The following TTC39B variants were observed in gnomAD, a reference collection of about 807,000 sequenced individuals.
TTC39B encodes the protein tetratricopeptide repeat protein 39B.
In TTC39B, 92 loss-of-function variants were observed where a neutral mutation model predicts 96.6. That is an observed-to-expected ratio of 0.95 (90% CI 0.80 to 1.13). The LOEUF (loss-of-function observed/expected upper bound fraction) is 1.13. Ranked by LOEUF, TTC39B falls within the 50% of genes most tolerant of loss-of-function variation. TTC39B has a pLI of 0.00. For missense variants in TTC39B, 955 were observed against 809.3 expected (o/e 1.18, Z -2.18); for synonymous variants, 367 against 299.4 (o/e 1.23, Z -2.33).
chr9:15,208,838 A>T (rs1820025244), intron 6 of TTC39B, among the ~76,000 whole-genome samples: 2 of 152,166 alleles, frequency 1.3e-5, no homozygotes. Context: ...ACATCATGCA[A>T]ATGTTCCCAA....
chr9:15,301,695 G>A lies in TTC39B; in HGVS notation c.240+5389C>T, dbSNP rs573337285. Among the ~76,000 whole-genome samples, 26 of 151,612 alleles carry A rather than the reference G, an allele frequency of 1.7e-4. No individual in the cohort carries two copies. In the East Asian group the frequency reaches 5.1e-3, roughly 30 times the overall value. On this transcript the variant is annotated intron_variant, in intron 1 of 19. Coordinates refer to ENST00000512701, the Ensembl canonical transcript of TTC39B. ...CACTTGAACCCGGGAGGCAGAGGTT[G>A]CCGTGAGCTGAGATCGTGCCACTGC...
intron 6 of TTC39B, among the ~76,000 whole-genome samples, chr9:15,207,506 C>T (rs1191669158): frequency 6.6e-6 from 1 of 152,070 alleles, no homozygotes; most frequent in East Asian, 1.9e-4. Flanking sequence ...GTGTGGGTTA[C>T]AGTGAAAGAG....
intron 1 of TTC39B, among the ~76,000 whole-genome samples, chr9:15,302,033 A>T (rs991010272): frequency 4.6e-5 from 7 of 152,172 alleles, no homozygotes; most frequent in Non-Finnish European, 1.5e-5. Context: ...TTTAAAAGTT[A>T]AGTGTAAGGT....
At chr9:15,289,015 G>A (rs1439127992) in intron 1 of TTC39B, among the ~76,000 whole-genome samples, 6 of 152,204 alleles carry the variant, frequency 3.9e-5, no homozygotes, top group Non-Finnish European at 8.8e-5. Context: ...TTAATTACAC[G>A]CTTTTAAAGT....
chr9:15,289,061 ACCCC>A, intron 1 of TTC39B, among the ~76,000 whole-genome samples: 1 of 152,184 alleles, frequency 6.6e-6, no homozygotes, highest in African/African-American at 2.4e-5. Context: ...TTCCTTATCT[ACCCC>A]AGGTAGCAAG....
chr9:15,213,031 G>C (rs887466521), intron 4 of TTC39B, among the ~76,000 whole-genome samples: 1 of 152,140 alleles, frequency 6.6e-6, no homozygotes, highest in Non-Finnish European at 1.5e-5. Context: ...CAGTTAACCT[G>C]ATCGATCACT....
chr9:15,276,874 A>G (rs1823564107), intron 1 of TTC39B, among the ~76,000 whole-genome samples: 1 of 152,170 alleles, frequency 6.6e-6, no homozygotes, highest in South Asian at 2.1e-4. Context: ...AATAAATACA[A>G]CTTCACAGGA....
chr9:15,171,901 CA>C (rs971907057), exon 20 of TTC39B: 112 of 669,634 alleles, frequency 1.7e-4, no homozygotes, highest in Middle Eastern at 2.6e-4. Flanking sequence ...AAATATTGAC[CA>C]AAAAAACTGT....
intron 2 of TTC39B, among the ~76,000 whole-genome samples, chr9:15,239,340 T>C (rs998778873): frequency 4.6e-5 from 7 of 152,212 alleles, no homozygotes; most frequent in Non-Finnish European, 2.9e-5. Context: ...CTTCAACCTC[T>C]ATGGAAAACA....
chr9:15,292,893 TAATC>T (rs1185644101), intron 1 of TTC39B, among the ~76,000 whole-genome samples: 1 of 152,214 alleles, frequency 6.6e-6, no homozygotes, highest in Non-Finnish European at 1.5e-5. Context: ...AAAGTTCCAT[TAATC>T]AAAGGTTTAT....
chr9:15,257,338 T>C (rs1822787048), intron 2 of TTC39B, among the ~76,000 whole-genome samples: 2 of 152,202 alleles, frequency 1.3e-5, no homozygotes, highest in African/African-American at 4.8e-5. Flanking sequence ...GGATAGGATA[T>C]GGATGAAATA....
Position 15,307,103 on chromosome 9 carries a change from G to C in TTC39B, c.221C>G (p.Ala74Gly), listed in dbSNP as rs1361697501. 1.2e-5 allele frequency: 20 copies of C among 1,610,400 alleles called. No homozygotes were observed. The highest frequency in any genetic ancestry group is 1.7e-5 in the Non-Finnish European group (20 of 1,178,442). ...TCGTACCTCGTCCGCTTCCAGCTCC[G>C]CTCGGCTGCCTAAGAGCGCCATATT... The change falls in exon 1 of 20, where the codon GCG becomes GGG. Residue 74 changes from alanine to glycine, a missense_variant. Transcript: ENST00000512701.
intron 2 of TTC39B, among the ~76,000 whole-genome samples, chr9:15,264,672 AG>A (rs1231848009): frequency 1.3e-5 from 2 of 148,982 alleles, no homozygotes; most frequent in East Asian, 1.9e-4. Flanking sequence ...AAAAAAAAAA[AG>A]GGAAACTATG....
intron 2 of TTC39B, among the ~76,000 whole-genome samples, chr9:15,260,117 A>T (rs570297941): frequency 1.5e-4 from 23 of 152,154 alleles, no homozygotes; most frequent in Non-Finnish European, 1.5e-5. Flanking sequence ...AGAGCTGTTT[A>T]AAAAAATTCT....
At chr9:15,165,505 G>C (rs549035496) in exon 20 of TTC39B, 1 of 152,314 alleles carries the variant, frequency 6.6e-6, no homozygotes, top group East Asian at 1.9e-4. Context: ...CATTGTATTA[G>C]TCCATTCTCA....
At chr9:15,251,064 C>T (rs1822514434) in intron 2 of TTC39B, among the ~76,000 whole-genome samples, 1 of 152,182 alleles carries the variant, frequency 6.6e-6, no homozygotes, top group East Asian at 1.9e-4. Context: ...GGTGTGGTGG[C>T]TCACGCCTGT....
At chr9:15,236,333 T>G (rs964054427) in intron 2 of TTC39B, among the ~76,000 whole-genome samples, 3 of 152,308 alleles carry the variant, frequency 2.0e-5, no homozygotes, top group East Asian at 1.9e-4. Flanking sequence ...CAAATGCTAC[T>G]AGACCTAAGA....
chr9:15,210,214 G>A (rs753090824), intron 5 of TTC39B, 50 bp from the exon 6 acceptor site: 4 of 1,273,622 alleles, frequency 3.1e-6, no homozygotes, highest in Non-Finnish European at 4.4e-6. Context: ...AAAAAAATCA[G>A]GCTGAGCTCA....
At chr9:15,303,056 T>C (rs1413270720) in intron 1 of TTC39B, among the ~76,000 whole-genome samples, 1 of 151,382 alleles carries the variant, frequency 6.6e-6, no homozygotes. Flanking sequence ...TAGTCCCAGC[T>C]ACTTGGGAGG....
Sources: gnomAD v4.1 joint callset for allele counts (sites outside exome capture counted in the v4.1 genomes callset) on GRCh38, gnomAD v4.1.1 for gene constraint, MANE v1.5 for transcripts, NCBI Gene and HGNC (gene_info 2026-07-23, HGNC 2026-07-21) for gene names.